Variants in ADGRL2 observed in about 807,000 individuals in gnomAD.
ADGRL2 encodes adhesion G protein-coupled receptor L2.
A neutral mutation model predicts 157.4 loss-of-function variants in ADGRL2; 44 were observed. The ratio of observed to expected loss-of-function variants is 0.28; its 90% CI spans 0.22 to 0.36. The LOEUF (loss-of-function observed/expected upper bound fraction) is 0.36, where lower values mean the gene tolerates loss of function less well. Among genes scored for constraint, ADGRL2 ranks in the 10% least tolerant of loss-of-function variants. ADGRL2 has a pLI of 1.00. For synonymous variants in ADGRL2, 585 were observed against 624.7 expected, an observed-to-expected ratio of 0.94 and a Z score of 0.95; for missense variants, 1,510 against 1,768.9, an observed-to-expected ratio of 0.85 and a Z score of 2.63.
intron 1 of ADGRL2, among the ~76,000 whole-genome samples, chr1:81,343,707 A>G (rs1662256400): frequency 6.7e-6 from 1 of 149,860 alleles, no homozygotes; most frequent in Non-Finnish European, 1.5e-5. Context: ...AGAGTGTGAC[A>G]GAGAGAGAGA....
At chr1:81,773,062 G>A (rs576229228) in intron 2 of ADGRL2, among the ~76,000 whole-genome samples, 3 of 152,158 alleles carry the variant, frequency 2.0e-5, no homozygotes, top group Admixed American at 1.3e-4. Context: ...GGTGCTTATA[G>A]TGGGCAGTGG....
At chr1:81,627,849 G>T (rs2081939932) in intron 3 of ADGRL2, among the ~76,000 whole-genome samples, 1 of 152,154 alleles carries the variant, frequency 6.6e-6, no homozygotes, top group African/African-American at 2.4e-5. Flanking sequence ...CCTCAGCTCA[G>T]CACAAGATGC....
intron 1 of ADGRL2, among the ~76,000 whole-genome samples, chr1:81,808,533 C>G (rs1026409630): frequency 1.3e-5 from 2 of 151,796 alleles, no homozygotes; most frequent in African/African-American, 4.8e-5. Flanking sequence ...CTGGCATATT[C>G]TCATTTATTT....
rs372500046 is a variant in ADGRL2, at chr1:81,990,015, T to G, written c.3656-376T>G. 11 of 984,740 alleles carry G rather than the reference T, an allele frequency of 1.1e-5. No individual in the cohort carries two copies. In the African/African-American group the frequency reaches 1.7e-4, roughly 16 times the overall value. The allele number at this position is 984,740 out of a possible 1,614,324, so 61.0% of individuals were successfully genotyped here. On this transcript the variant is annotated intron_variant, in intron 23 of 23. Transcript: ENST00000686636. Reference sequence around the variant, plus strand: ...AATTTTATTTTTATAAACCATAGTCTTGTACTTTAAAATGTAAATGTCACT... The same window carrying G: ...AATTTTATTTTTATAAACCATAGTCGTGTACTTTAAAATGTAAATGTCACT...
chr1:81,901,574 A>G (rs1332216035), intron 2 of ADGRL2, among the ~76,000 whole-genome samples: 3 of 151,200 alleles, frequency 2.0e-5, no homozygotes, highest in African/African-American at 7.3e-5. Context: ...TAAAACATAT[A>G]TATATATATT....
chr1:81,645,411 A>AT (rs1557532211), intron 3 of ADGRL2, among the ~76,000 whole-genome samples: 2 of 151,592 alleles, frequency 1.3e-5, no homozygotes, highest in Non-Finnish European at 1.5e-5. Context: ...AAAAAAAAAA[A>AT]AAAAAAAATT....
intron 1 of ADGRL2, chr1:81,427,406 G>T (rs2077238512): frequency 1.3e-6 from 1 of 746,022 alleles, no homozygotes; most frequent in African/African-American, 1.7e-5. Flanking sequence ...TGGTGGTGGA[G>T]GATATGATGG....
chr1:81,705,828 C>T (rs893252895), intron 1 of ADGRL2, among the ~76,000 whole-genome samples: 2 of 151,968 alleles, frequency 1.3e-5, no homozygotes, highest in African/African-American at 4.8e-5. Context: ...ATCGCTTGAG[C>T]CCAGGAGTTC....
At chr1:81,831,771 T>G (rs11163386) in intron 1 of ADGRL2, among the ~76,000 whole-genome samples, 42,867 of 151,916 alleles carry the variant, frequency 0.28, 6,642 homozygotes, top group Middle Eastern at 0.5. Context: ...CAGTGTAATC[T>G]CCCTGTGGAT....
rs913088950 is a variant in ADGRL2, at chr1:81,505,579, C to T, written c.-248+60490C>T. ...TGAGGGATGCCAGCAGGTGCCCCCA[C>T]GAGTGGGGCCTTGGCCCAAGCAGAG... is the stretch of plus-strand genomic sequence containing the variant. On this transcript the variant is annotated intron_variant, in intron 2 of 24. Transcript: ENST00000370721. 1.7e-4 allele frequency among the ~76,000 whole-genome samples: 25 copies of T among 150,490 alleles called. No homozygotes were observed. The South Asian group carries it at 4.4e-3, about 27-fold the overall frequency.
chr1:81,918,342 T>C (rs1476171084), intron 3 of ADGRL2, among the ~76,000 whole-genome samples: 1 of 152,136 alleles, frequency 6.6e-6, no homozygotes, highest in Non-Finnish European at 1.5e-5. Flanking sequence ...ATGTTTGTAG[T>C]GTATGGAGCC....
At chr1:81,306,142 C>T (rs546892970), upstream of ADGRL2, 7 of 152,332 alleles carry the variant, frequency 4.6e-5, no homozygotes, top group African/African-American at 1.7e-4. Flanking sequence ...AGCTTATCCA[C>T]GCTCTCCGAT....
chr1:81,510,358 G>A (rs1245155253), intron 2 of ADGRL2, among the ~76,000 whole-genome samples: 6 of 152,106 alleles, frequency 3.9e-5, no homozygotes, highest in Non-Finnish European at 8.8e-5. Context: ...TTTTTTCATC[G>A]TAAGGATGGT....
chr1:81,929,851 C>A lies in ADGRL2; in HGVS notation c.288-6877C>A, dbSNP rs117708373. Among the ~76,000 whole-genome samples, 87 of 152,230 alleles carry A rather than the reference C, an allele frequency of 5.7e-4. 3 individuals carry two copies. The East Asian group carries it at 0.011, about 19-fold the overall frequency. Reference sequence around the variant, plus strand: ...GTGGCGGTGGTGGTAATTTATATTTCTTGATGTTTGTTATCCAGGTATTGT... The same window carrying A: ...GTGGCGGTGGTGGTAATTTATATTTATTGATGTTTGTTATCCAGGTATTGT... On this transcript the variant is annotated intron_variant, in intron 3 of 23. Coordinates refer to ENST00000686636, the MANE Select transcript of ADGRL2 (RefSeq NM_001366006.2).
chr1:81,476,133 AAAAG>A lies in ADGRL2; in HGVS notation c.-248+31054_-248+31057del, dbSNP rs990032755. Among the ~76,000 whole-genome samples, 45 of 151,876 alleles carry A rather than the reference AAAAG, an allele frequency of 3.0e-4. 1 individual carries two copies. Among genetic ancestry groups the A allele is most frequent in the South Asian group, 2.1e-4 (1 of 4,770 alleles). On this transcript the variant is annotated intron_variant, in intron 2 of 24. Coordinates refer to the ADGRL2 transcript ENST00000370721. ...GACACTTAAATATATGGGTAGGAAA[AAAAG>A]AAAGAAAGAGAAAGAGCATAAGTGA...
intron 2 of ADGRL2, among the ~76,000 whole-genome samples, chr1:81,479,918 C>G (rs928736445): frequency 4.7e-4 from 72 of 152,142 alleles, no homozygotes; most frequent in Non-Finnish European, 1.3e-4. Context: ...CATTTTAAGT[C>G]AAAATGATAC....
chr1:81,356,770 G>A (rs1327028352), intron 1 of ADGRL2, among the ~76,000 whole-genome samples: 2 of 151,776 alleles, frequency 1.3e-5, no homozygotes, highest in South Asian at 2.1e-4. Context: ...TGGCTAACAC[G>A]GTGAAACCCC....
chr1:81,976,378 A>G (rs193144099), intron 17 of ADGRL2, among the ~76,000 whole-genome samples: 17 of 152,072 alleles, frequency 1.1e-4, no homozygotes, highest in Admixed American at 1.1e-3. Flanking sequence ...TTCAGAGGCT[A>G]AGTTAGTGTT....
chr1:81,968,262 T>A, intron 14 of ADGRL2, 63 bp downstream of exon 14: 1 of 1,373,672 alleles, frequency 7.3e-7, no homozygotes, highest in Admixed American at 2.1e-5. Flanking sequence ...ACAGCTTGTA[T>A]AATAGTCCCA....
Sources: gnomAD v4.1 joint callset for allele counts (sites outside exome capture counted in the v4.1 genomes callset) on GRCh38, gnomAD v4.1.1 for gene constraint, MANE v1.5 for transcripts, NCBI Gene and HGNC (gene_info 2026-07-23, HGNC 2026-07-21) for gene names.